CEP290: variants seen among roughly 807,000 people sequenced by gnomAD.
CEP290 encodes the protein centrosomal protein 290, also known as centrosomal protein of 290 kDa.
In CEP290, 317 loss-of-function variants were observed where a neutral mutation model predicts 344.9. The ratio of observed to expected loss-of-function variants is 0.92; its 90% CI spans 0.84 to 1.01. The LOEUF is 1.01. Ranked by LOEUF, CEP290 falls within the 50% of genes least tolerant of loss-of-function variation. CEP290 has a pLI of 0.00. For missense variants in CEP290, 2,754 were observed against 2,761.4 expected, an observed-to-expected ratio of 1.00 and a Z score of 0.06; for synonymous variants, 932 against 895.8, an observed-to-expected ratio of 1.04 and a Z score of -0.72.
At chr12:88,091,948 C>G (rs2037079988) in intron 29 of CEP290, among the ~76,000 whole-genome samples, 1 of 152,044 alleles carries the variant, frequency 6.6e-6, no homozygotes, top group Non-Finnish European at 1.5e-5. Context: ...GAGTCTCGCT[C>G]TGTCACCAGG....
Position 88,064,177 on chromosome 12 carries a change from T to C in CEP290, c.6136-62A>G. Reference sequence around the variant, plus strand: ...TAATAAATAAAAGCCATAAAAGACATACTGGATAAGAAAATACTGTCAAAA... The same window carrying C: ...TAATAAATAAAAGCCATAAAAGACACACTGGATAAGAAAATACTGTCAAAA... On this transcript the variant is annotated intron_variant, in intron 44 of 53. Transcript: ENST00000552810. The C allele has an allele frequency of 3.7e-6, 5 of 1,364,930 alleles. No individual in the cohort carries two copies. The South Asian group carries it at 4.3e-5, about 12-fold the overall frequency. The allele number at this position is 1,364,930 out of a possible 1,614,324, so 84.6% of individuals were successfully genotyped here.
intron 13 of CEP290, among the ~76,000 whole-genome samples, chr12:88,124,144 C>A (rs982770923): frequency 3.3e-5 from 5 of 152,052 alleles, no homozygotes; most frequent in African/African-American, 1.2e-4. Context: ...TATATCATTT[C>A]TATCTTCAGA....
At chr12:88,134,864 T>C (rs2040269141) in intron 6 of CEP290, among the ~76,000 whole-genome samples, 1 of 152,184 alleles carries the variant, frequency 6.6e-6, no homozygotes, top group Non-Finnish European at 1.5e-5. Context: ...CTCTAGGTCT[T>C]AGCAAATGCT....
chr12:88,071,703 CTA>C (rs1336622761), intron 42 of CEP290, 76 bp downstream of exon 42: 1 of 1,113,316 alleles, frequency 9.0e-7, no homozygotes, highest in Admixed American at 3.3e-5. Context: ...ATATTATCAA[CTA>C]TGATAAAGCT....
chr12:88,111,682 T>C lies in CEP290; in HGVS notation c.2217+12A>G, dbSNP rs776748502. ...ATGTTTAGCATTTTCTTTTATTTAA[T>C]AAAATTCTCACCTTTAAATTAGCTT... On this transcript the variant is annotated intron_variant, in intron 21 of 53. Transcript: ENST00000552810. 1.9e-6 allele frequency: 3 copies of C among 1,550,868 alleles called. No homozygotes were observed. The highest frequency in any genetic ancestry group is 2.6e-6 in the Non-Finnish European group (3 of 1,157,076).
At chr12:88,132,111 T>C (rs1172721384) in intron 6 of CEP290, among the ~76,000 whole-genome samples, 2 of 152,174 alleles carry the variant, frequency 1.3e-5, no homozygotes, top group Admixed American at 1.3e-4. Flanking sequence ...GTGAATAGAA[T>C]AGCAAAAAGT....
chr12:88,052,118 G>A (rs2033600977), intron 52 of CEP290, among the ~76,000 whole-genome samples: 1 of 152,154 alleles, frequency 6.6e-6, no homozygotes, highest in Non-Finnish European at 1.5e-5. Context: ...ATAGTGTCTA[G>A]TACAACTCAC....
chr12:88,066,887 C>G (rs2034981590), intron 44 of CEP290, among the ~76,000 whole-genome samples: 1 of 152,106 alleles, frequency 6.6e-6, no homozygotes, highest in Non-Finnish European at 1.5e-5. Flanking sequence ...GCCCCTGCCT[C>G]CCAAAGTGAT....
intron 47 of CEP290, 115 bp from the exon 48 acceptor site, chr12:88,060,135 T>C: frequency 1.1e-6 from 1 of 943,938 alleles, no homozygotes; most frequent in Non-Finnish European, 1.5e-6. Context: ...TTTGATATGA[T>C]TAGAATTAAA....
chr12:88,077,977 A>C, intron 39 of CEP290, 59 bp from the exon 40 acceptor site: 1 of 741,642 alleles, frequency 1.3e-6, no homozygotes, highest in Non-Finnish European at 2.1e-6. Flanking sequence ...CAATGATAAA[A>C]GGAACATAAA....
rs1394203514 is a variant in CEP290, at chr12:88,111,772, T to C, written c.2139A>G (p.Glu713=). Residue 713 remains glutamate, a synonymous_variant, in exon 21 of 54, where the codon GAA becomes GAG. Coordinates refer to ENST00000552810, the MANE Select transcript of CEP290 (RefSeq NM_025114.4). ...ATTCCCTGAGCTCCTGTCTTAATTC[T>C]TCATTTCTTCCGGTAAGCTGATCAA... ...AQVDQLTGRN[E]ELRQELRESR... The C allele has an allele frequency of 6.2e-7, 1 of 1,607,498 alleles. No homozygotes were observed. Among genetic ancestry groups the C allele is most frequent in the Non-Finnish European group, 8.5e-7 (1 of 1,177,330 alleles).
intron 30 of CEP290, 40 bp from the exon 31 acceptor site, chr12:88,089,527 A>G: frequency 1.5e-6 from 2 of 1,332,516 alleles, no homozygotes; most frequent in Non-Finnish European, 2.0e-6. Flanking sequence ...TAAGTTTCAA[A>G]TTTTTCCAGT....
At chr12:88,062,074 C>T (rs1051845787) in intron 46 of CEP290, among the ~76,000 whole-genome samples, 2 of 152,170 alleles carry the variant, frequency 1.3e-5, no homozygotes, top group Non-Finnish European at 2.9e-5. Flanking sequence ...CCACTGCCCC[C>T]GGCCTGTTCT....
intron 46 of CEP290, among the ~76,000 whole-genome samples, 189 bp from the exon 47 acceptor site, chr12:88,061,183 C>T (rs1283464728): frequency 6.6e-6 from 1 of 152,008 alleles, no homozygotes; most frequent in Admixed American, 6.6e-5. Context: ...TACAAGAAAA[C>T]CAAGACTTAG....
rs866602436 is a variant in CEP290, at chr12:88,106,882, C to T, written c.2610G>A (p.Met870Ile). The change falls in exon 25 of 54, where the codon ATG becomes ATA. Residue 870 changes from methionine (M) to isoleucine (I), a missense_variant. By Grantham distance (10) the Met-to-Ile change is conservative (BLOSUM62 1). Transcript: ENST00000552810. ...EYNNLLNALQ[M>I]DSDEMKKILA... ...GTATTTTTTTCATTTCATCCGAATC[C>T]ATCTGAAGAGCATTGAGCAAATTCT... 3.1e-6 allele frequency: 5 copies of T among 1,606,018 alleles called. No homozygotes were observed. The highest frequency in any genetic ancestry group is 4.3e-6 in the Non-Finnish European group (5 of 1,175,918).
Position 88,114,572 on chromosome 12 carries a change from C to A in CEP290, c.1910-10G>T, listed in dbSNP as rs1256409893. On this transcript the variant is annotated splice_polypyrimidine_tract_variant and intron_variant, in intron 19 of 53. Transcript: ENST00000552810. ...TCAACTAATTCTTTTACTGTAATTACACAGTTTTCTCATTGGATGATCAGA... is the reference window on the plus strand; with the variant it reads ...TCAACTAATTCTTTTACTGTAATTAAACAGTTTTCTCATTGGATGATCAGA... 6.5e-7 allele frequency: 1 copy of A among 1,528,902 alleles called. No individual in the cohort carries two copies. Among genetic ancestry groups the A allele is most frequent in the Non-Finnish European group, 8.8e-7 (1 of 1,136,996 alleles). 94.7% of individuals were successfully genotyped at this position (1,528,902 alleles called of 1,614,324 possible).
intron 6 of CEP290, among the ~76,000 whole-genome samples, chr12:88,132,912 T>G (rs1267008765): frequency 6.6e-6 from 1 of 152,070 alleles, no homozygotes; most frequent in Admixed American, 6.5e-5. Context: ...GGTCCCAGTG[T>G]GTGTTGTTCC....
intron 26 of CEP290, among the ~76,000 whole-genome samples, chr12:88,098,378 G>A (rs2037612173): frequency 6.6e-6 from 1 of 151,944 alleles, no homozygotes; most frequent in South Asian, 2.1e-4. Context: ...GGGAGGCTGA[G>A]GTGGGAGAAT....
chr12:88,060,857 A>G lies in CEP290; in HGVS notation c.6495T>C (p.Asn2165=), dbSNP rs1477778013. 1 of 1,542,720 alleles carries G rather than the reference A, an allele frequency of 6.5e-7. No homozygotes were observed. The highest frequency in any genetic ancestry group is 2.4e-5 in the East Asian group (1 of 41,706). The change falls in exon 47 of 54, where the codon AAT becomes AAC. Residue 2165 remains asparagine (N), a synonymous_variant. Coordinates refer to ENST00000552810, the MANE Select transcript of CEP290 (RefSeq NM_025114.4). ...TCAATTTTTCATTTTCCTGCTCAATATTAGCCATTTTTTCACTAGTCAATA... is the reference window on the plus strand; with the variant it reads ...TCAATTTTTCATTTTCCTGCTCAATGTTAGCCATTTTTTCACTAGTCAATA... The part of the protein sequence containing the change: ...SGILTSEKMA[N]IEQENEKLKA...
Sources: allele counts gnomAD v4.1 joint callset (sites outside exome capture counted in the v4.1 genomes callset), GRCh38; gene constraint gnomAD v4.1.1; transcripts MANE v1.5; gene names NCBI Gene and HGNC (gene_info 2026-07-23, HGNC 2026-07-21).